TNKS1BP1: variants seen among roughly 807,000 people sequenced by gnomAD.
The protein encoded by TNKS1BP1 is CCR4-NOT transcription complex subunit 12.
TNKS1BP1 carries 48 observed loss-of-function variants against 141.1 expected under a neutral mutation model. That is an observed-to-expected ratio of 0.34 (90% CI 0.27 to 0.43). TNKS1BP1 has a LOEUF of 0.43. Among genes scored for constraint, TNKS1BP1 ranks in the 20% least tolerant of loss-of-function variants. TNKS1BP1 has a pLI of 1.00. For synonymous variants in TNKS1BP1, 875 were observed against 898.2 expected (o/e 0.97, Z 0.46); for missense variants, 2,149 against 2,226.0 (o/e 0.97, Z 0.70).
At chr11:57,301,974 A>G in intron 8 of TNKS1BP1, 31 bp from the exon 9 acceptor site, 1 of 1,611,004 alleles carries the variant, frequency 6.2e-7, no homozygotes, top group African/African-American at 1.3e-5. Flanking sequence ...GGCTCAGAAA[A>G]GGCAGCACAC....
At chr11:57,307,798 G>A (rs1855635771) in intron 6 of TNKS1BP1, among the ~76,000 whole-genome samples, 1 of 152,218 alleles carries the variant, frequency 6.6e-6, no homozygotes, top group African/African-American at 2.4e-5. Flanking sequence ...AAAGCCTTTG[G>A]AAAGTTCTTT....
chr11:57,320,021 AAT>A, intron 3 of TNKS1BP1, 56 bp downstream of exon 3: 10 of 546,564 alleles, frequency 1.8e-5, no homozygotes, highest in East Asian at 5.5e-5. Context: ...GCCCCCACCC[AAT>A]CCCACCCCAC....
At chr11:57,321,335 C>T (rs1417310925) in intron 2 of TNKS1BP1, among the ~76,000 whole-genome samples, 1 of 152,072 alleles carries the variant, frequency 6.6e-6, no homozygotes, top group Non-Finnish European at 1.5e-5. Flanking sequence ...AAAAACAGGA[C>T]CAGAAATCTA....
At chr11:57,311,216 C>CA (rs1230883300) in intron 5 of TNKS1BP1, 8 of 982,516 alleles carry the variant, frequency 8.1e-6, no homozygotes, top group Non-Finnish European at 9.7e-6. Flanking sequence ...CCCCACCCCC[C>CA]ACCTCACGCT....
intron 2 of TNKS1BP1, 48 bp downstream of exon 2, chr11:57,321,744 T>TCCCCCCCCCCCCCCCCCCCCCC: frequency 9.6e-7 from 1 of 1,039,822 alleles, no homozygotes; most frequent in Non-Finnish European, 1.5e-6. Context: ...CCTCTGTCCT[T>TCCCCCCCCCCCCCCCCCCCCCC]CCCACCCCCC....
chr11:57,301,866 A>G lies in TNKS1BP1; in HGVS notation c.4912T>C (p.Leu1638=), dbSNP rs769893277. The stretch of plus-strand genomic sequence containing the variant: ...TTGACTTTCAGCCCCTTGGTGCCCA[A>G]CGACATCCGTGTCCGGCGGCTCTGA... The part of the protein sequence containing the change: ...EPQSRRTRMS[L]GTKGLKVNLF... Residue 1638 remains leucine (L), a synonymous_variant, in exon 9 of 12, where the codon TTG becomes CTG. Transcript: ENST00000358252. The G allele has an allele frequency of 1.6e-5, 26 of 1,614,026 alleles. No individual in the cohort carries two copies. Among genetic ancestry groups the G allele is most frequent in the Non-Finnish European group, 1.9e-5 (23 of 1,180,028 alleles).
intron 6 of TNKS1BP1, among the ~76,000 whole-genome samples, chr11:57,307,933 G>A (rs1267939487): frequency 6.6e-6 from 1 of 152,210 alleles, no homozygotes; most frequent in East Asian, 1.9e-4. Context: ...ACCTCTTTGA[G>A]AACCCGTGGG....
intron 3 of TNKS1BP1, 57 bp downstream of exon 3, chr11:57,320,022 A>AACCCCCCC: frequency 1.1e-5 from 12 of 1,118,672 alleles, no homozygotes; most frequent in East Asian, 3.1e-5. Context: ...CCCCCACCCA[A>AACCCCCCC]TCCCACCCCA....
At position 57,313,217 on chromosome 11, in the gene TNKS1BP1, G is replaced by A. The variant is rs771111066; in HGVS notation, c.1471C>T (p.Arg491Trp). The change falls in exon 5 of 12, where the codon CGG (arginine) becomes TGG (tryptophan). Residue 491 changes from arginine to tryptophan, a missense_variant. By Grantham distance (101) the Arg-to-Trp change is moderately radical. Coordinates refer to ENST00000358252, the MANE Select transcript of TNKS1BP1 (RefSeq NM_033396.3). Reference sequence around the variant, plus strand: ...GGGGAGGGAGGCGGGGAGTCCAGCCGCCACACGCCCAGACCCGAGGGCCTC... The same window carrying A: ...GGGGAGGGAGGCGGGGAGTCCAGCCACCACACGCCCAGACCCGAGGGCCTC... ...PTRPSGLGVW[R>W]LDSPPPSPIT... The A allele has an allele frequency of 6.4e-5, 103 of 1,612,498 alleles. No individual in the cohort carries two copies. In the Middle Eastern group the frequency reaches 8.2e-4, roughly 13 times the overall value.
Position 57,302,307 on chromosome 11 carries a change from C to T in TNKS1BP1, c.4684-83G>A, listed in dbSNP as rs1177672041. 26 of 1,548,618 alleles carry T rather than the reference C, an allele frequency of 1.7e-5. No homozygotes were observed. The highest frequency in any genetic ancestry group is 5.5e-5 in the Admixed American group (3 of 54,854). Reference sequence around the variant, plus strand: ...CAACAGTAGCTGACCAGGAGCTGGACCCCTCCTGCAGCCGGAGCTTCACGT... The same window carrying T: ...CAACAGTAGCTGACCAGGAGCTGGATCCCTCCTGCAGCCGGAGCTTCACGT... On this transcript the variant is annotated intron_variant, in intron 7 of 11. Transcript: ENST00000358252. The surrounding 1 kb of genome is among the most constrained non-coding windows in gnomAD (Gnocchi z 5.5).
At chr11:57,322,069 AGT>A (rs1272373628) in intron 1 of TNKS1BP1, 119 bp from the exon 2 acceptor site, 112 of 160,700 alleles carry the variant, frequency 7.0e-4, no homozygotes, top group South Asian at 2.8e-3. Context: ...GAGAACTTGG[AGT>A]GGGGGGGGGG....
chr11:57,323,765 A>G (rs1855920726), intron 1 of TNKS1BP1, among the ~76,000 whole-genome samples: 1 of 152,148 alleles, frequency 6.6e-6, no homozygotes, highest in African/African-American at 2.4e-5. Flanking sequence ...TAAAATTAAA[A>G]CACAAGATTG....
chr11:57,320,840 C>T, intron 2 of TNKS1BP1, 128 bp from the exon 3 acceptor site: 9 of 1,085,268 alleles, frequency 8.3e-6, no homozygotes, highest in Non-Finnish European at 1.1e-5. Context: ...AGGCACAAGT[C>T]ATATGCCACC....
At chr11:57,322,185 G>A (rs531397063) in intron 1 of TNKS1BP1, 2 of 1,092,200 alleles carry the variant, frequency 1.8e-6, no homozygotes, top group Non-Finnish European at 2.3e-6. Flanking sequence ...GCGCTTCAGG[G>A]AGTCACTCAC....
chr11:57,318,718 G>A (rs150808526), intron 3 of TNKS1BP1, among the ~76,000 whole-genome samples: 8 of 152,324 alleles, frequency 5.3e-5, no homozygotes, highest in African/African-American at 1.9e-4. Context: ...AAAGTCCCGT[G>A]CCCAGCACCC....
Position 57,320,488 on chromosome 11 carries a change from C to G in TNKS1BP1, c.319G>C (p.Ala107Pro). The G allele has an allele frequency of 1.9e-6, 3 of 1,608,818 alleles. No homozygotes were observed. The highest frequency in any genetic ancestry group is 2.6e-6 in the Non-Finnish European group (3 of 1,176,246). Residue 107 changes from alanine (A) to proline (P), a missense_variant, in exon 3 of 12, where the codon GCC becomes CCC. Transcript: ENST00000358252. The stretch of plus-strand genomic sequence containing the variant: ...TGGGTGGCTTCTCCTCCAGTGGAGG[C>G]CTCAACCGCAGGCCTTGGTGCAAAG... The part of the protein sequence containing the change: ...LPFAPRPAVE[A>P]STGGEATQET...
intron 6 of TNKS1BP1, 149 bp downstream of exon 6, chr11:57,308,246 C>T (rs911849626): frequency 5.3e-6 from 6 of 1,137,846 alleles, no homozygotes; most frequent in South Asian, 5.2e-5. Flanking sequence ...TTAAGTAGAA[C>T]TAAAAATTCT....
rs755498687 is a variant in TNKS1BP1 at position 57,321,927 on chromosome 11, G to A, written c.-42C>T. ...TCCTTGAGAGCGGGGAGGCAGAGAG[G>A]TATGAGCTGGGGTGGCTGCAGACCT... On this transcript the variant is annotated 5_prime_UTR_variant, in exon 2 of 12. Transcript: ENST00000358252. The A allele has an allele frequency of 6.2e-6, 10 of 1,611,670 alleles. No individual in the cohort carries two copies. Among genetic ancestry groups the A allele is most frequent in the Non-Finnish European group, 8.5e-6 (10 of 1,178,768 alleles).
intron 5 of TNKS1BP1, among the ~76,000 whole-genome samples, chr11:57,311,724 G>T (rs188756716): frequency 6.6e-6 from 1 of 151,914 alleles, no homozygotes; most frequent in Non-Finnish European, 1.5e-5. Context: ...CCTGGCCCCC[G>T]GCCCTTAAAT....
Sources: allele counts gnomAD v4.1 joint callset (sites outside exome capture counted in the v4.1 genomes callset), GRCh38; gene constraint gnomAD v4.1.1; non-coding constraint Gnocchi (gnomAD v3.1); transcripts MANE v1.5; gene names NCBI Gene and HGNC (gene_info 2026-07-23, HGNC 2026-07-21).